PLXDC2: variants seen among roughly 807,000 people sequenced by gnomAD.
PLXDC2 encodes plexin domain containing 2.
Under a neutral mutation model 68.9 loss-of-function variants are expected in PLXDC2, and 40 were observed. The ratio of observed to expected loss-of-function variants is 0.58; its 90% confidence interval spans 0.45 to 0.76. The LOEUF (loss-of-function observed/expected upper bound fraction) is 0.76, where lower values mean the gene tolerates loss of function less well. PLXDC2 is among the 30% of genes least tolerant of loss of function. The pLI is 0.00. For missense variants in PLXDC2, 644 were observed against 661.9 expected, an observed-to-expected ratio of 0.97 and a Z score of 0.30; for synonymous variants, 243 against 234.2, an observed-to-expected ratio of 1.04 and a Z score of -0.34.
intron 12 of PLXDC2, among the ~76,000 whole-genome samples, chr10:20,232,026 C>T (rs1023354998): frequency 4.0e-5 from 6 of 151,464 alleles, no homozygotes; most frequent in Non-Finnish European, 8.8e-5. Context: ...AAATTAAATT[C>T]TGTGTTCATC....
intron 1 of PLXDC2, among the ~76,000 whole-genome samples, chr10:19,900,852 G>A (rs1391907519): frequency 2.0e-5 from 3 of 151,518 alleles, no homozygotes; most frequent in African/African-American, 7.3e-5. Context: ...GGGAGCCTAC[G>A]GTGTTTGGTT....
chr10:20,207,493 G>A (rs866073946), intron 9 of PLXDC2, among the ~76,000 whole-genome samples: 19 of 152,148 alleles, frequency 1.2e-4, no homozygotes, highest in South Asian at 6.2e-4. Flanking sequence ...AAAACAAACC[G>A]TGCTTTAAGA....
At chr10:19,842,711 A>C (rs1225867373) in intron 1 of PLXDC2, among the ~76,000 whole-genome samples, 1 of 152,192 alleles carries the variant, frequency 6.6e-6, no homozygotes, top group African/African-American at 2.4e-5. Flanking sequence ...GCAGCTAAAC[A>C]CATTGCAAAT....
intron 4 of PLXDC2, among the ~76,000 whole-genome samples, chr10:20,124,221 C>T (rs77066456): frequency 4.3e-4 from 66 of 152,198 alleles, no homozygotes; most frequent in African/African-American, 1.5e-3. Flanking sequence ...AGTCCTTGAC[C>T]GGTGCCAGAG....
chr10:19,991,347 CTTTTTT>C (rs35216913), intron 1 of PLXDC2, among the ~76,000 whole-genome samples: 2 of 135,432 alleles, frequency 1.5e-5, no homozygotes, highest in South Asian at 2.3e-4. Context: ...ATCATTTTCC[CTTTTTT>C]TTTTTTTTTT....
At chr10:20,139,749 C>T (rs1467154757) in intron 4 of PLXDC2, among the ~76,000 whole-genome samples, 3 of 149,766 alleles carry the variant, frequency 2.0e-5, no homozygotes, top group Non-Finnish European at 2.9e-5. Flanking sequence ...CAAACTAATA[C>T]AGGAACAGAA....
At position 20,177,099 on chromosome 10, in the gene PLXDC2, G is replaced by C. The variant is rs759740999; in HGVS notation, c.979+5G>C. On this transcript the variant is annotated splice_donor_5th_base_variant and intron_variant, in intron 8 of 13. Coordinates refer to ENST00000377252, the MANE Select transcript of PLXDC2 (RefSeq NM_032812.9). ...TGGAGATGACCCCATTACCCAGTAAGCGAATATGTAAACCTAGGTGGAAAA... is the reference window on the plus strand; with the variant it reads ...TGGAGATGACCCCATTACCCAGTAACCGAATATGTAAACCTAGGTGGAAAA... 1 of 1,589,262 alleles carries C rather than the reference G, an allele frequency of 6.3e-7. No homozygotes were observed.
chr10:20,137,306 A>G (rs976139340), intron 4 of PLXDC2, among the ~76,000 whole-genome samples: 8 of 152,282 alleles, frequency 5.3e-5, no homozygotes, highest in Non-Finnish European at 7.4e-5. Flanking sequence ...CAACAACCCA[A>G]TGATATTGAC....
chr10:20,229,659 T>G (rs1170222017), intron 12 of PLXDC2, among the ~76,000 whole-genome samples: 1 of 152,126 alleles, frequency 6.6e-6, no homozygotes, highest in African/African-American at 2.4e-5. Flanking sequence ...TCGAAACAGC[T>G]AGGTTTTCAA....
intron 1 of PLXDC2, among the ~76,000 whole-genome samples, chr10:19,841,254 A>G (rs1200842185): frequency 1.3e-5 from 2 of 152,154 alleles, no homozygotes; most frequent in Non-Finnish European, 2.9e-5. Flanking sequence ...TGTGCACATT[A>G]TGATTAAAAA....
At position 20,177,113 on chromosome 10, in the gene PLXDC2, C is replaced by G. The variant is rs779022612; in HGVS notation, c.979+19C>G. The G allele has an allele frequency of 9.0e-6, 14 of 1,554,248 alleles. No homozygotes were observed. In the East Asian group the frequency reaches 3.1e-4, roughly 35 times the overall value. On this transcript the variant is annotated intron_variant, in intron 8 of 13. Coordinates refer to ENST00000377252, the MANE Select transcript of PLXDC2 (RefSeq NM_032812.9). ...TTACCCAGTAAGCGAATATGTAAAC[C>G]TAGGTGGAAAACATGATTTCTAAAT...
At chr10:20,108,893 A>T (rs1833524115) in intron 4 of PLXDC2, among the ~76,000 whole-genome samples, 2 of 152,164 alleles carry the variant, frequency 1.3e-5, no homozygotes, top group African/African-American at 2.4e-5. Context: ...GTGTCTTTAA[A>T]TGTTTTGTGA....
At chr10:19,840,596 T>C (rs1836886216) in intron 1 of PLXDC2, among the ~76,000 whole-genome samples, 1 of 152,152 alleles carries the variant, frequency 6.6e-6, no homozygotes, top group Admixed American at 6.6e-5. Flanking sequence ...TAAAAACACA[T>C]TTTGTTTAAA....
At chr10:20,141,567 A>G (rs547892458) in intron 4 of PLXDC2, among the ~76,000 whole-genome samples, 7 of 152,148 alleles carry the variant, frequency 4.6e-5, no homozygotes, top group South Asian at 4.1e-4. Context: ...TAATTCAAAC[A>G]TTTCTCTTCA....
intron 9 of PLXDC2, among the ~76,000 whole-genome samples, chr10:20,208,358 C>T (rs1028798550): frequency 3.9e-5 from 6 of 152,010 alleles, no homozygotes; most frequent in African/African-American, 1.4e-4. Flanking sequence ...AGGGGAAACC[C>T]CATATAAAGC....
At chr10:20,037,433 A>T (rs1049089646) in intron 2 of PLXDC2, among the ~76,000 whole-genome samples, 6 of 151,738 alleles carry the variant, frequency 4.0e-5, no homozygotes, top group Admixed American at 3.9e-4. Flanking sequence ...ATATATATGC[A>T]TGTGCCATGT....
intron 1 of PLXDC2, among the ~76,000 whole-genome samples, chr10:19,905,448 T>C (rs1271931834): frequency 6.6e-6 from 1 of 152,162 alleles, no homozygotes; most frequent in Non-Finnish European, 1.5e-5. Flanking sequence ...AAATAAGCAA[T>C]TAAAGGTTGT....
At chr10:19,944,264 GT>G (rs1833865892) in intron 1 of PLXDC2, among the ~76,000 whole-genome samples, 1 of 151,968 alleles carries the variant, frequency 6.6e-6, no homozygotes, top group Non-Finnish European at 1.5e-5. Flanking sequence ...TGCAAATAAG[GT>G]GCAGATTAAG....
chr10:19,997,968 G>C (rs1834869800), intron 1 of PLXDC2, among the ~76,000 whole-genome samples: 2 of 152,314 alleles, frequency 1.3e-5, no homozygotes, highest in Admixed American at 1.3e-4. Flanking sequence ...TGGGAATCAA[G>C]AGATGCATTT....
Sources: gnomAD v4.1 joint callset for allele counts (sites outside exome capture counted in the v4.1 genomes callset) on GRCh38, gnomAD v4.1.1 for gene constraint, MANE v1.5 for transcripts, NCBI Gene and HGNC (gene_info 2026-07-23, HGNC 2026-07-21) for gene names.